ARMH3: variants seen among roughly 807,000 people sequenced by gnomAD.
The protein encoded by ARMH3 is armadillo-like helical domain-containing protein 3.
A neutral mutation model predicts 99.1 loss-of-function variants in ARMH3; 60 were observed. The observed-to-expected ratio is 0.61, with a 90% CI of 0.49 to 0.75. The LOEUF (loss-of-function observed/expected upper bound fraction) is 0.75. ARMH3 is among the 30% of genes least tolerant of loss of function. The pLI, the probability that ARMH3 is intolerant of heterozygous loss-of-function variation, is 0.00. For synonymous variants in ARMH3, 285 were observed against 292.8 expected, an observed-to-expected ratio of 0.97 and a Z score of 0.27; for missense variants, 679 against 843.1, an observed-to-expected ratio of 0.81 and a Z score of 2.41.
intron 11 of ARMH3, 97 bp from the exon 12 acceptor site, chr10:102,010,120 T>C: frequency 8.7e-7 from 1 of 1,143,554 alleles, no homozygotes; most frequent in Non-Finnish European, 1.3e-6. Flanking sequence ...AACAAGCTGC[T>C]TCCACCTGGG....
chr10:102,022,327 T>TA (rs1335411644), intron 8 of ARMH3, among the ~76,000 whole-genome samples: 1 of 150,094 alleles, frequency 6.7e-6, no homozygotes, highest in Non-Finnish European at 1.5e-5. Flanking sequence ...AAAAAACAAC[T>TA]AAAAAATACA....
intron 2 of ARMH3, among the ~76,000 whole-genome samples, chr10:102,036,565 T>C (rs980041505): frequency 6.6e-6 from 1 of 152,148 alleles, no homozygotes; most frequent in Non-Finnish European, 1.5e-5. Context: ...TGTTGATCTG[T>C]GACCTTGCCC....
In ARMH3 at chr10:101,858,705, G is replaced by GC. The variant is rs2066789936; in HGVS notation, c.1861-8814dup. 2.6e-5 allele frequency among the ~76,000 whole-genome samples: 4 copies of GC among 152,268 alleles called. No homozygotes were observed. In the South Asian group the frequency reaches 8.3e-4, roughly 32 times the overall value. Reference sequence around the variant, plus strand: ...AAGAATATACTGCTTTAGGGTTCGTGCATTAGCAGGTGGACGCAGGCAGAG... The same window carrying GC: ...AAGAATATACTGCTTTAGGGTTCGTGCCATTAGCAGGTGGACGCAGGCAGAG... On this transcript the variant is annotated intron_variant, in intron 24 of 25. Coordinates refer to ENST00000370033, the MANE Select transcript of ARMH3 (RefSeq NM_024541.3).
In ARMH3 at chr10:102,044,091, CTTT is replaced by C. The variant is rs778226635; in HGVS notation, c.-11-3969_-11-3967del. ...GCCACCACACCCAGCTAATTTTTTT[CTTT>C]TTTTTTTTTTTTTTTTGGAGACGGA... On this transcript the variant is annotated intron_variant, in intron 1 of 25. Coordinates refer to ENST00000370033, the MANE Select transcript of ARMH3 (RefSeq NM_024541.3). 4.8e-5 allele frequency among the ~76,000 whole-genome samples: 5 copies of C among 104,162 alleles called. No homozygotes were observed. The East Asian group carries it at 1.2e-3, about 24-fold the overall frequency. 68.3% of individuals were successfully genotyped at this position (104,162 alleles called of 152,430 possible).
intron 2 of ARMH3, among the ~76,000 whole-genome samples, chr10:102,037,541 A>C (rs1429107021): frequency 6.6e-6 from 1 of 151,874 alleles, no homozygotes; most frequent in Non-Finnish European, 1.5e-5. Context: ...GCCTTCTCAC[A>C]ACGTCCTCAT....
Position 102,009,966 on chromosome 10 carries a change from C to T in ARMH3, c.878+11G>A. ...AGTCCAAGTCACTGCACAAGAATGT[C>T]AGGCACTTACTGTACTGAGATTTTC... On this transcript the variant is annotated intron_variant, in intron 12 of 25. Transcript: ENST00000370033. 6.2e-7 allele frequency: 1 copy of T among 1,613,140 alleles called. No homozygotes were observed. The highest frequency in any genetic ancestry group is 1.7e-5 in the Admixed American group (1 of 59,984).
intron 23 of ARMH3, among the ~76,000 whole-genome samples, chr10:101,903,422 A>G (rs1223200911): frequency 6.6e-6 from 1 of 152,238 alleles, no homozygotes; most frequent in Non-Finnish European, 1.5e-5. Flanking sequence ...CGACAGACAG[A>G]TAATTTCATT....
intron 25 of ARMH3, among the ~76,000 whole-genome samples, chr10:101,849,021 TCACCA>T (rs2066524017): frequency 6.6e-6 from 1 of 152,172 alleles, no homozygotes; most frequent in Non-Finnish European, 1.5e-5. Context: ...CGCAGTGCCT[TCACCA>T]CAATTGGCAT....
intron 22 of ARMH3, among the ~76,000 whole-genome samples, chr10:101,947,740 C>T (rs764581470): frequency 4.0e-5 from 6 of 151,862 alleles, no homozygotes; most frequent in Non-Finnish European, 8.8e-5. Flanking sequence ...GCAGAGGTTG[C>T]AGTGAGCCGA....
chr10:101,911,466 G>C (rs1482965262), intron 23 of ARMH3, among the ~76,000 whole-genome samples: 1 of 152,232 alleles, frequency 6.6e-6, no homozygotes, highest in African/African-American at 2.4e-5. Flanking sequence ...GCTGGACGCA[G>C]AGGCTTGTAC....
intron 23 of ARMH3, among the ~76,000 whole-genome samples, chr10:101,927,174 AC>A (rs1430555145): frequency 6.6e-6 from 1 of 152,190 alleles, no homozygotes; most frequent in African/African-American, 2.4e-5. Flanking sequence ...CACTTCAGAC[AC>A]CCATAAAAAG....
chr10:101,957,691 C>T lies in ARMH3; in HGVS notation c.1537G>A (p.Val513Ile), dbSNP rs756270081. 4 of 1,603,554 alleles carry T rather than the reference C, an allele frequency of 2.5e-6. No individual in the cohort carries two copies. The Admixed American group carries it at 5.1e-5, about 20-fold the overall frequency. The part of the protein sequence containing the change: ...LLKFLMSNET[V>I]LLAKHNIFTL... ...AAAATGTTGTGTTTGGCCAAAAGTA[C>T]AGTCTCATTTGACATAAGGAACTTC... Residue 513 changes from valine to isoleucine, a missense_variant, in exon 21 of 26, where the codon GTA becomes ATA. Transcript: ENST00000370033.
At position 101,991,874 on chromosome 10, in the gene ARMH3, G is replaced by A. The variant is rs116698883; in HGVS notation, c.1345+95C>T. On this transcript the variant is annotated intron_variant, in intron 18 of 25. Transcript: ENST00000370033. ...AAAACACAACTAATAATTTATTTGC[G>A]GAAGAAGCACATCAAACAGGTTCTA... 1.8e-4 allele frequency: 211 copies of A among 1,166,320 alleles called. No individual in the cohort carries two copies. In the African/African-American group the frequency reaches 2.5e-3, roughly 14 times the overall value. The allele number at this position is 1,166,320 out of a possible 1,614,324, so 72.2% of individuals were successfully genotyped here.
intron 1 of ARMH3, among the ~76,000 whole-genome samples, chr10:102,050,858 G>GAA (rs768694267): frequency 1.2e-4 from 8 of 64,810 alleles, no homozygotes; most frequent in Admixed American, 7.6e-4. Flanking sequence ...CTCCATCTCA[G>GAA]AAAAAAAAAA....
intron 25 of ARMH3, among the ~76,000 whole-genome samples, 191 bp from the exon 26 acceptor site, chr10:101,847,811 G>A (rs777071736): frequency 1.2e-4 from 19 of 152,210 alleles, no homozygotes; most frequent in Non-Finnish European, 2.5e-4. Flanking sequence ...CAGGGAAGGA[G>A]AGAAGAGGGG....
rs189877235 is a variant in ARMH3, at chr10:101,918,994, G to T, written c.1781+20869C>A. ...TTAACCTAAATCTAAATCTAGGTCA[G>T]TTTAGTCAAATCTATAGATAATTAA... On this transcript the variant is annotated intron_variant, in intron 23 of 25. Coordinates refer to ENST00000370033, the MANE Select transcript of ARMH3 (RefSeq NM_024541.3). Among the ~76,000 whole-genome samples the T allele has an allele frequency of 8.5e-5, 13 of 152,308 alleles. No homozygotes were observed. In the East Asian group the frequency reaches 2.3e-3, roughly 27 times the overall value.
chr10:101,859,396 C>T lies in ARMH3; in HGVS notation c.1861-9504G>A, dbSNP rs76202575. On this transcript the variant is annotated intron_variant, in intron 24 of 25. Transcript: ENST00000370033. ...AGCTTGGACATATCTGTGACTGACA[C>T]TGACAGCCTAGACTCCATCAGGGCA... 2.6e-4 allele frequency among the ~76,000 whole-genome samples: 40 copies of T among 152,330 alleles called. No homozygotes were observed. The East Asian group carries it at 6.9e-3, about 26-fold the overall frequency.
intron 19 of ARMH3, among the ~76,000 whole-genome samples, chr10:101,980,495 T>C (rs1471536443): frequency 6.6e-6 from 1 of 152,016 alleles, no homozygotes; most frequent in African/African-American, 2.4e-5. Context: ...GATGGGGTTT[T>C]ACCATGTTGG....
At chr10:101,892,860 T>TA (rs1342464712) in intron 23 of ARMH3, among the ~76,000 whole-genome samples, 1 of 152,170 alleles carries the variant, frequency 6.6e-6, no homozygotes, top group African/African-American at 2.4e-5. Context: ...ATAAACCAAA[T>TA]ACGACAGACA....
Sources: allele counts gnomAD v4.1 joint callset (sites outside exome capture counted in the v4.1 genomes callset), GRCh38; gene constraint gnomAD v4.1.1; transcripts MANE v1.5; gene names NCBI Gene and HGNC (gene_info 2026-07-23, HGNC 2026-07-21).